Variants in DAB1 observed in about 807,000 individuals in gnomAD.
DAB1 encodes DAB adaptor protein 1.
A neutral mutation model predicts 64.6 loss-of-function variants in DAB1; 15 were observed. That is an observed-to-expected ratio of 0.23 (90% CI 0.16 to 0.36). The LOEUF is 0.36. Among genes scored for constraint, DAB1 ranks in the 10% least tolerant of loss-of-function variants. The pLI is 1.00. For missense variants in DAB1, 596 were observed against 706.7 expected, an observed-to-expected ratio of 0.84 and a Z score of 1.78; for synonymous variants, 235 against 251.9, an observed-to-expected ratio of 0.93 and a Z score of 0.64.
chr1:58,341,555 TTTACAGA>T (rs1643934574), intron 4 of DAB1, among the ~76,000 whole-genome samples: 1 of 152,176 alleles, frequency 6.6e-6, no homozygotes, highest in African/African-American at 2.4e-5. Context: ...GTATCTGCAG[TTTACAGA>T]TAAGTGGAAT....
intron 14 of DAB1, among the ~76,000 whole-genome samples, chr1:57,005,303 T>C (rs2100240569): frequency 6.6e-6 from 1 of 152,342 alleles, no homozygotes; most frequent in South Asian, 2.1e-4. Context: ...ATATAACAGA[T>C]GATGACGCTG....
intron 5 of DAB1, among the ~76,000 whole-genome samples, chr1:57,953,777 A>G (rs1645327484): frequency 1.3e-5 from 2 of 151,974 alleles, no homozygotes; most frequent in South Asian, 2.1e-4. Context: ...GCCCCTCCCT[A>G]TTTATCTGCT....
At chr1:58,521,379 G>A (rs1166128560) in intron 2 of DAB1, among the ~76,000 whole-genome samples, 1 of 151,286 alleles carries the variant, frequency 6.6e-6, no homozygotes, top group Non-Finnish European at 1.5e-5. Context: ...CTTAAGTTAG[G>A]GAAAGAACCA....
chr1:57,728,865 T>C (rs1193874031), intron 6 of DAB1, among the ~76,000 whole-genome samples: 3 of 152,196 alleles, frequency 2.0e-5, no homozygotes, highest in African/African-American at 7.2e-5. Flanking sequence ...CCCATTTCTA[T>C]AGTGTAAGAT....
intron 1 of DAB1, among the ~76,000 whole-genome samples, chr1:57,868,253 C>A (rs536667993): frequency 6.6e-6 from 1 of 152,160 alleles, no homozygotes; most frequent in South Asian, 2.1e-4. Context: ...TTCTCATAAG[C>A]TCTGCGTGGT....
At position 58,532,002 on chromosome 1, in the gene DAB1, C is replaced by T. The variant is rs1009139279; in HGVS notation, n.33-4667G>A. Among the ~76,000 whole-genome samples, 6 of 152,208 alleles carry T rather than the reference C, an allele frequency of 3.9e-5. No individual in the cohort carries two copies. The South Asian group carries it at 1.2e-3, about 32-fold the overall frequency. ...GATTACAGGGGTGAGCCACTGTGCC[C>T]AGCCCAATTATGAAATTATTTTAAC... On this transcript the variant is annotated intron_variant and non_coding_transcript_variant, in intron 1 of 20. Transcript: ENST00000485760.
intron 5 of DAB1, among the ~76,000 whole-genome samples, chr1:58,047,583 T>G (rs1198787026): frequency 6.6e-6 from 1 of 152,244 alleles, no homozygotes; most frequent in East Asian, 1.9e-4. Context: ...ATTTTGATTT[T>G]TTTTAACCCA....
intron 4 of DAB1, among the ~76,000 whole-genome samples, chr1:57,102,088 G>T (rs17115034): frequency 0.021 from 3,140 of 152,248 alleles, 109 homozygotes; most frequent in African/African-American, 0.072. Context: ...CAACAGACAT[G>T]TAAACAATCA....
chr1:57,704,683 T>C (rs555612673), intron 6 of DAB1, among the ~76,000 whole-genome samples: 1 of 152,302 alleles, frequency 6.6e-6, no homozygotes, highest in East Asian at 1.9e-4. Context: ...CAGAAAGTAA[T>C]GTAAACTCTA....
At chr1:57,583,711 A>C (rs1558515084) in intron 7 of DAB1, among the ~76,000 whole-genome samples, 1 of 152,180 alleles carries the variant, frequency 6.6e-6, no homozygotes, top group Non-Finnish European at 1.5e-5. Context: ...ATGTATCTAG[A>C]AAATGTGACT....
intron 3 of DAB1, among the ~76,000 whole-genome samples, chr1:58,483,870 G>A (rs571033612): frequency 6.6e-6 from 1 of 152,166 alleles, no homozygotes; most frequent in Admixed American, 6.5e-5. Flanking sequence ...CAAGTGAGAA[G>A]TTTACCTGTC....
intron 6 of DAB1, among the ~76,000 whole-genome samples, chr1:57,775,355 A>G (rs377181001): frequency 6.6e-6 from 1 of 151,740 alleles, no homozygotes; most frequent in East Asian, 1.9e-4. Context: ...AGGAGTTAAT[A>G]ATAAAGTTAA....
chr1:57,687,599 C>CA (rs57316234), intron 6 of DAB1, among the ~76,000 whole-genome samples: 10,371 of 82,530 alleles, frequency 0.13, 515 homozygotes, highest in Admixed American at 0.21. Flanking sequence ...TCTTAAGAAA[C>CA]AAAAAAAAAA....
intron 4 of DAB1, among the ~76,000 whole-genome samples, chr1:58,157,860 T>G (rs1177435383): frequency 2.0e-5 from 3 of 152,196 alleles, no homozygotes; most frequent in Non-Finnish European, 2.9e-5. Flanking sequence ...GAATATTTAT[T>G]AAATGCCTAT....
rs58217798 is a variant in DAB1 at position 58,499,314 on chromosome 1, C to CAA, written n.257+6744_257+6745dup. On this transcript the variant is annotated intron_variant and non_coding_transcript_variant, in intron 3 of 20. Transcript: ENST00000485760. ...GCAACACAGCAAGACCACATCTCTA[C>CAA]AAAAAAAAAAAAAAAAAAAAAAAGG... 5.0e-3 allele frequency among the ~76,000 whole-genome samples: 347 copies of CAA among 69,568 alleles called. 7 individuals are homozygous for CAA. Among genetic ancestry groups the CAA allele is most frequent in the African/African-American group, 0.011 (232 of 20,470 alleles). 45.6% of individuals were successfully genotyped at this position (69,568 alleles called of 152,430 possible).
chr1:58,184,571 A>G (rs1249224905), intron 4 of DAB1, among the ~76,000 whole-genome samples: 1 of 152,120 alleles, frequency 6.6e-6, no homozygotes, highest in Non-Finnish European at 1.5e-5. Flanking sequence ...AGTACAAACC[A>G]CTTGAAATGC....
intron 5 of DAB1, among the ~76,000 whole-genome samples, chr1:58,051,628 C>T (rs532987392): frequency 4.1e-4 from 63 of 152,316 alleles, no homozygotes; most frequent in African/African-American, 1.5e-3. Flanking sequence ...GCCACACTGT[C>T]TTCCACAATG....
At chr1:57,321,889 C>T (rs149350270) in intron 1 of DAB1, among the ~76,000 whole-genome samples, 45 of 137,798 alleles carry the variant, frequency 3.3e-4, no homozygotes, top group Non-Finnish European at 4.7e-4. Context: ...ACAATACCTA[C>T]GACAGATGGC....
chr1:57,882,780 C>A (rs903572438), intron 1 of DAB1, among the ~76,000 whole-genome samples: 1 of 152,168 alleles, frequency 6.6e-6, no homozygotes, highest in African/African-American at 2.4e-5. Context: ...GCACTATTAC[C>A]AACCTAGGTG....
Sources: gnomAD v4.1 joint callset for allele counts (sites outside exome capture counted in the v4.1 genomes callset) on GRCh38, gnomAD v4.1.1 for gene constraint, MANE v1.5 for transcripts, NCBI Gene and HGNC (gene_info 2026-07-23, HGNC 2026-07-21) for gene names.